The following GLI4 variants were observed in gnomAD, a reference collection of about 807,000 sequenced individuals.
The protein encoded by GLI4 is zinc finger protein GLI4.
In GLI4, 34 loss-of-function variants were observed where a neutral mutation model predicts 30.9. The ratio of observed to expected loss-of-function variants is 1.10; its 90% CI spans 0.84 to 1.47. The LOEUF is 1.47. Among genes scored for constraint, GLI4 ranks in the 40% most tolerant of loss-of-function variants. The pLI, the probability that GLI4 is intolerant of heterozygous loss-of-function variation, is 0.00. For missense variants in GLI4, 696 were observed against 538.9 expected (o/e 1.29, Z -2.89); for synonymous variants, 277 against 236.7 (o/e 1.17, Z -1.56).
intron 2 of GLI4, chr8:143,274,419 G>A (rs112835864): frequency 8.7e-4 from 237 of 273,040 alleles, no homozygotes; most frequent in African/African-American, 4.9e-3. Flanking sequence ...AACGGCAGGA[G>A]GGCCGCTTCA....
At chr8:143,269,270 CT>C in intron 1 of GLI4, 89 bp from the exon 2 acceptor site, 1 of 948,854 alleles carries the variant, frequency 1.1e-6, no homozygotes, top group East Asian at 2.4e-5. Flanking sequence ...TCCATCTCCC[CT>C]TGGAGAGCTG....
At chr8:143,269,565 C>T in intron 2 of GLI4, 45 bp downstream of exon 2, 2 of 1,503,642 alleles carry the variant, frequency 1.3e-6, no homozygotes, top group Non-Finnish European at 1.8e-6. Context: ...GCATCCCCTG[C>T]CCTCACGTCC....
intron 2 of GLI4, 71 bp from the exon 3 acceptor site, chr8:143,274,633 G>A (rs1436358602): frequency 1.8e-5 from 26 of 1,454,118 alleles, no homozygotes; most frequent in South Asian, 2.6e-5. Context: ...CCGGGAGCAC[G>A]TGGCGGTCAG....
Position 143,276,588 on chromosome 8 carries a change from C to A in GLI4, c.915C>A (p.Ile305=). Residue 305 remains isoleucine (I), a synonymous_variant, in exon 4 of 4, where the codon ATC becomes ATA. Coordinates refer to ENST00000340042, the MANE Select transcript of GLI4 (RefSeq NM_138465.4). ...YACSQCGKAF[I]WSSVLIEHQR... ...GCAGCCAGTGCGGCAAGGCCTTCAT[C>A]TGGAGCTCCGTGCTCATCGAGCACC... 6.2e-7 allele frequency: 1 copy of A among 1,611,796 alleles called. No individual in the cohort carries two copies. The highest frequency in any genetic ancestry group is 2.2e-5 in the East Asian group (1 of 44,770).
chr8:143,275,625 CCGTGCACCG>C, intron 3 of GLI4: 1 of 1,235,060 alleles, frequency 8.1e-7, no homozygotes, highest in Non-Finnish European at 1.0e-6. Context: ...CACTGTGGCT[CCGTGCACCG>C]GCACGGCCGC....
intron 1 of GLI4, among the ~76,000 whole-genome samples, chr8:143,268,597 C>G (rs1039388325): frequency 6.6e-6 from 1 of 152,214 alleles, no homozygotes; most frequent in African/African-American, 2.4e-5. Flanking sequence ...TTAAGATTTC[C>G]TCCAAAACAC....
At chr8:143,275,659 A>G in intron 3 of GLI4, 12 of 1,239,458 alleles carry the variant, frequency 9.7e-6, no homozygotes, top group Non-Finnish European at 1.1e-5. Flanking sequence ...GTGACTGTGG[A>G]TGGTCCCAGC....
intron 3 of GLI4, chr8:143,275,028 C>T (rs368617917): frequency 1.6e-5 from 24 of 1,522,980 alleles, no homozygotes; most frequent in South Asian, 7.3e-5. Context: ...CAGCCACCTG[C>T]GCCAGTGGCC....
At position 143,276,916 on chromosome 8, in the gene GLI4, T is replaced by A; in HGVS notation, c.*112T>A. ...CATGCCACGTGTCCGGAATAAATTC[T>A]TTTTGATTGTTGGAAGTGGGAGCCG... is the stretch of plus-strand genomic sequence containing the variant. On this transcript the variant is annotated 3_prime_UTR_variant, in exon 4 of 4. Coordinates refer to ENST00000340042, the MANE Select transcript of GLI4 (RefSeq NM_138465.4). 1 of 735,334 alleles carries A rather than the reference T, an allele frequency of 1.4e-6. No individual in the cohort carries two copies. 45.6% of individuals were successfully genotyped at this position (735,334 alleles called of 1,614,324 possible).
intron 2 of GLI4, among the ~76,000 whole-genome samples, chr8:143,272,688 A>G (rs898977015): frequency 1.3e-5 from 2 of 152,212 alleles, no homozygotes; most frequent in African/African-American, 4.8e-5. Flanking sequence ...TGAGCTCTGC[A>G]GAAATGGCCC....
chr8:143,272,853 G>A (rs1815299630), intron 2 of GLI4, among the ~76,000 whole-genome samples: 1 of 152,288 alleles, frequency 6.6e-6, no homozygotes, highest in Non-Finnish European at 1.5e-5. Flanking sequence ...GGAGCTGGGG[G>A]CCATCCTGAG....
rs781397475 is a variant in GLI4 at position 143,269,529 on chromosome 8, C to A, written c.124+9C>A. 6.2e-7 allele frequency: 1 copy of A among 1,610,854 alleles called. No homozygotes were observed. Among genetic ancestry groups the A allele is most frequent in the Non-Finnish European group, 8.5e-7 (1 of 1,177,652 alleles). Reference sequence around the variant, plus strand: ...CCATGGGCATCAACATGGTACTCACCCAGCCCGCTGTGCGCCCTCCACCCT... The same window carrying A: ...CCATGGGCATCAACATGGTACTCACACAGCCCGCTGTGCGCCCTCCACCCT... On this transcript the variant is annotated intron_variant, in intron 2 of 3. Transcript: ENST00000340042.
chr8:143,275,751 CTTGTCTCCCATCCACTG>C, intron 3 of GLI4, 129 bp from the exon 4 acceptor site: 1 of 1,239,784 alleles, frequency 8.1e-7, no homozygotes, highest in Non-Finnish European at 1.0e-6. Flanking sequence ...CCCCTGTCCG[CTTGTCTCCCATCCACTG>C]GGTGCCTGGC....
intron 1 of GLI4, among the ~76,000 whole-genome samples, chr8:143,268,597 C>T (rs1039388325): frequency 2.6e-5 from 4 of 152,214 alleles, no homozygotes; most frequent in African/African-American, 9.7e-5. Context: ...TTAAGATTTC[C>T]TCCAAAACAC....
chr8:143,270,232 T>C (rs529126734), intron 2 of GLI4, among the ~76,000 whole-genome samples: 14 of 152,342 alleles, frequency 9.2e-5, no homozygotes, highest in African/African-American at 3.4e-4. Flanking sequence ...TGGCACAGGG[T>C]TCTCCCTCTT....
At chr8:143,274,603 T>A in intron 2 of GLI4, 101 bp from the exon 3 acceptor site, 1 of 1,203,022 alleles carries the variant, frequency 8.3e-7, no homozygotes, top group Non-Finnish European at 1.1e-6. Flanking sequence ...CCAGGAGGTG[T>A]CCTGTGTCAG....
intron 2 of GLI4, among the ~76,000 whole-genome samples, chr8:143,271,873 C>T (rs953277326): frequency 1.3e-5 from 2 of 152,234 alleles, no homozygotes; most frequent in Non-Finnish European, 2.9e-5. Context: ...CCAAGCCTTG[C>T]AGAGCGGGGA....
In GLI4 at chr8:143,276,005, C is replaced by T. The variant is rs1306248645; in HGVS notation, c.332C>T (p.Ala111Val). ...RSLLRSLPRR[A>V]RCSAGFGPES... ...CTCCTGAGGAGCCTTCCCCGCAGGG[C>T]CCGGTGCAGCGCCGGCTTCGGGCCT... Residue 111 changes from alanine (A) to valine (V), a missense_variant, in exon 4 of 4, where the codon GCC becomes GTC. By Grantham distance (64) the Ala-to-Val change is moderately conservative (BLOSUM62 0). Coordinates refer to ENST00000340042, the MANE Select transcript of GLI4 (RefSeq NM_138465.4). The T allele has an allele frequency of 2.8e-6, 4 of 1,412,428 alleles. No individual in the cohort carries two copies. The highest frequency in any genetic ancestry group is 3.0e-5 in the East Asian group (1 of 33,006). The allele number at this position is 1,412,428 out of a possible 1,614,324, so 87.5% of individuals were successfully genotyped here.
chr8:143,271,014 C>T (rs528895169), intron 2 of GLI4, among the ~76,000 whole-genome samples: 1 of 152,186 alleles, frequency 6.6e-6, no homozygotes, highest in East Asian at 1.9e-4. Flanking sequence ...CAGCTGTGGG[C>T]AGCCAGGCCC....
Sources: gnomAD v4.1 joint callset for allele counts (sites outside exome capture counted in the v4.1 genomes callset) on GRCh38, gnomAD v4.1.1 for gene constraint, MANE v1.5 for transcripts, NCBI Gene and HGNC (gene_info 2026-07-23, HGNC 2026-07-21) for gene names.